Variants in GET4 observed in about 807,000 individuals in gnomAD.
GET4 encodes the protein guided entry of tail-anchored proteins factor 4.
GET4 carries 20 observed loss-of-function variants against 40.0 expected under a neutral mutation model. That is an observed-to-expected ratio of 0.50 (90% CI 0.35 to 0.73). The LOEUF (loss-of-function observed/expected upper bound fraction) is 0.73, where lower values mean the gene tolerates loss of function less well. Ranked by LOEUF, GET4 falls within the 30% of genes least tolerant of loss-of-function variation. The pLI is 0.01. For missense variants in GET4, 557 were observed against 454.0 expected (o/e 1.23, Z -2.06); for synonymous variants, 280 against 194.6 (o/e 1.44, Z -3.65).
Position 886,605 on chromosome 7 carries a change from G to A in GET4, c.271G>A (p.Glu91Lys), listed in dbSNP as rs1844193093. ...AGCAGACTTGTCCATGCTGGTCCTG[G>A]AGTCCCTGGAGAAGGCGGAAGTGGA... ...SAADLSMLVL[E>K]SLEKAEVEVA... Residue 91 changes from glutamate (E) to lysine (K), a missense_variant, in exon 3 of 9, where the codon GAG becomes AAG. Coordinates refer to ENST00000265857, the MANE Select transcript of GET4 (RefSeq NM_015949.3). 6.2e-7 allele frequency: 1 copy of A among 1,613,138 alleles called. No individual in the cohort carries two copies. Among genetic ancestry groups the A allele is most frequent in the Admixed American group, 1.7e-5 (1 of 60,002 alleles).
At chr7:884,308 GAGTC>G (rs1554267442) in intron 1 of GET4, 2 of 1,304,030 alleles carry the variant, frequency 1.5e-6, no homozygotes, top group Non-Finnish European at 2.0e-6. Context: ...GGCCTCCTCT[GAGTC>G]AGTCATGTCC....
Position 883,899 on chromosome 7 carries a change from G to A in GET4, c.156-2157G>A, listed in dbSNP as rs925324006. 40 of 1,030,546 alleles carry A rather than the reference G, an allele frequency of 3.9e-5. No homozygotes were observed. In the South Asian group the frequency reaches 8.3e-4, roughly 21 times the overall value. The allele number at this position is 1,030,546 out of a possible 1,614,324, so 63.8% of individuals were successfully genotyped here. A position where few individuals can be genotyped will look rare whatever the true frequency, so the allele number is the denominator to read the frequency against. On this transcript the variant is annotated intron_variant, in intron 1 of 8. Coordinates refer to ENST00000265857, the MANE Select transcript of GET4 (RefSeq NM_015949.3). ...GGAAACGGGTGCCCCCAGCCAGGCC[G>A]GGGACCACTGTGTGCCCAGAATTCT...
Position 895,994 on chromosome 7 carries a change from G to C in GET4, c.*572G>C, listed in dbSNP as rs577617657. On this transcript the variant is annotated 3_prime_UTR_variant, in exon 9 of 9. Coordinates refer to ENST00000265857, the MANE Select transcript of GET4 (RefSeq NM_015949.3). The stretch of plus-strand genomic sequence containing the variant: ...TCACGCTCGGTGGAGGGACGCGTGC[G>C]GCGGGACGGTGCCTACGGGTACTTG... 6.6e-6 allele frequency: 1 copy of C among 152,240 alleles called. No homozygotes were observed. The highest frequency in any genetic ancestry group is 2.4e-5 in the African/African-American group (1 of 41,452). The allele number at this position is 152,240 out of a possible 1,614,324, so 9.4% of individuals were successfully genotyped here.
At chr7:893,526 GGTGTAGGCGTGGTGGTGTGT>G (rs1185638146) in intron 6 of GET4, among the ~76,000 whole-genome samples, 194 bp from the exon 7 acceptor site, 2 of 142,112 alleles carry the variant, frequency 1.4e-5, no homozygotes, top group African/African-American at 5.2e-5. Context: ...GTGAGTGTTG[GGTGTAGGCGTGGTGGTGTGT>G]GCAGGTGAGT....
At chr7:876,882 C>T (rs1843962281) in intron 1 of GET4, 82 bp downstream of exon 1, 2 of 770,810 alleles carry the variant, frequency 2.6e-6, no homozygotes, top group South Asian at 5.8e-5. Context: ...CCCGCGCCCC[C>T]ATTGGGCCGC....
Position 886,472 on chromosome 7 carries a change from C to T in GET4, c.235-97C>T, listed in dbSNP as rs112602568. ...TCAGAAGAGACTCCTCAGCACCGGC[C>T]GCACTCTGGCTTCTGCTGGAAACCC... On this transcript the variant is annotated intron_variant, in intron 2 of 8. Coordinates refer to ENST00000265857, the MANE Select transcript of GET4 (RefSeq NM_015949.3). 1.3e-3 allele frequency: 1,130 copies of T among 853,478 alleles called. 5 individuals carry two copies. The highest frequency in any genetic ancestry group is 0.013 in the African/African-American group (758 of 60,334). 52.9% of individuals were successfully genotyped at this position (853,478 alleles called of 1,614,324 possible).
chr7:890,894 AATGTAT>A (rs1844307101), intron 4 of GET4, 28 bp from the exon 5 acceptor site: 5 of 1,522,722 alleles, frequency 3.3e-6, no homozygotes, highest in Non-Finnish European at 4.6e-6. Flanking sequence ...ATATTCGTGA[AATGTAT>A]TTACATTTTT....
At chr7:878,070 C>T (rs1430734396) in intron 1 of GET4, 2 of 328,016 alleles carry the variant, frequency 6.1e-6, no homozygotes, top group South Asian at 2.3e-5. Context: ...GGTGAAACCG[C>T]TTCTCTGTTG....
At chr7:883,358 TC>T (rs1178739955) in intron 1 of GET4, 36 of 224,160 alleles carry the variant, frequency 1.6e-4, no homozygotes, top group Non-Finnish European at 2.5e-4. Flanking sequence ...CAAGCCAGCT[TC>T]CGTCTGCCAA....
intron 1 of GET4, among the ~76,000 whole-genome samples, chr7:877,472 C>T (rs567472333): frequency 8.6e-4 from 78 of 90,960 alleles, no homozygotes; most frequent in African/African-American, 3.3e-3. Context: ...CTGCCCCCCG[C>T]CTCTCTCCCT....
At chr7:894,024 T>A (rs182092708) in intron 8 of GET4, 53 bp downstream of exon 8, 7 of 1,229,908 alleles carry the variant, frequency 5.7e-6, no homozygotes, top group Non-Finnish European at 6.8e-6. Flanking sequence ...CGGTGTGGGG[T>A]CATCATCTCT....
In GET4 at chr7:895,339, C is replaced by T. The variant is rs777160864; in HGVS notation, c.901C>T (p.Leu301Phe). 6.4e-7 allele frequency: 1 copy of T among 1,558,514 alleles called. No homozygotes were observed. The highest frequency in any genetic ancestry group is 1.7e-5 in the Admixed American group (1 of 58,686). The change falls in exon 9 of 9, where the codon CTT (leucine) becomes TTT (phenylalanine). Residue 301 changes from leucine to phenylalanine, a missense_variant. Physicochemically the swap from Leu to Phe is conservative, Grantham distance 22. Coordinates refer to ENST00000265857, the MANE Select transcript of GET4 (RefSeq NM_015949.3). Reference sequence around the variant, plus strand: ...CACGGTGTTCTTCTTTCCAGGGAACCTTCTGACCAGCCTCATGGGCTCCTC... The same window carrying T: ...CACGGTGTTCTTCTTTCCAGGGAACTTTCTGACCAGCCTCATGGGCTCCTC... ...TSSYGGLLGN[L>F]LTSLMGSSEQ...
At chr7:881,244 T>C (rs2128626756) in intron 1 of GET4, 1 of 152,344 alleles carries the variant, frequency 6.6e-6, no homozygotes, top group Non-Finnish European at 1.5e-5. Flanking sequence ...ATGTATAATT[T>C]GGTGAGGTCT....
At chr7:890,283 C>T (rs113980851) in intron 4 of GET4, among the ~76,000 whole-genome samples, 2 of 17,148 alleles carry the variant, frequency 1.2e-4, no homozygotes, top group East Asian at 2.1e-3. Flanking sequence ...GGAGCGTGAG[C>T]GGGTGTCAGG....
Position 895,478 on chromosome 7 carries a change from G to A in GET4, c.*56G>A. On this transcript the variant is annotated 3_prime_UTR_variant, in exon 9 of 9. Transcript: ENST00000265857. Reference sequence around the variant, plus strand: ...CGACGACGGCTGGAGGGACGTTTCAGAGGCGAGTCCTGGGTGGCTCCTCGC... The same window carrying A: ...CGACGACGGCTGGAGGGACGTTTCAAAGGCGAGTCCTGGGTGGCTCCTCGC... 1.1e-6 allele frequency: 1 copy of A among 931,224 alleles called. No individual in the cohort carries two copies. Among genetic ancestry groups the A allele is most frequent in the Non-Finnish European group, 1.7e-6 (1 of 577,962 alleles). 57.7% of individuals were successfully genotyped at this position (931,224 alleles called of 1,614,324 possible). A position where few individuals can be genotyped will look rare whatever the true frequency, so the allele number is the denominator to read the frequency against.
At chr7:884,048 C>T in intron 1 of GET4, 1 of 1,171,036 alleles carries the variant, frequency 8.5e-7, no homozygotes, top group Non-Finnish European at 1.1e-6. Context: ...AGAGCAGGCT[C>T]CTCGTGCAGG....
At chr7:893,113 A>AAGTGTTGGGTGTAGGCGTGTGTGCAGGTG (rs1844370800) in intron 6 of GET4, among the ~76,000 whole-genome samples, 2 of 69,834 alleles carry the variant, frequency 2.9e-5, no homozygotes, top group Non-Finnish European at 5.5e-5. Context: ...GTGTGCAGGC[A>AAGTGTTGGGTGTAGGCGTGTGTGCAGGTG]AGTGTTGGGT....
chr7:890,809 C>T, intron 4 of GET4, 119 bp from the exon 5 acceptor site: 2 of 784,508 alleles, frequency 2.5e-6, no homozygotes, highest in Non-Finnish European at 4.4e-6. Flanking sequence ...TGGGCTCTGG[C>T]TGGGCTCTCC....
intron 1 of GET4, among the ~76,000 whole-genome samples, chr7:877,312 G>A (rs1373317245): frequency 1.8e-5 from 1 of 55,316 alleles, no homozygotes; most frequent in Admixed American, 2.2e-4. Context: ...CCCCCGCCTC[G>A]CTCTCCCTGG....
Sources: allele counts gnomAD v4.1 joint callset (sites outside exome capture counted in the v4.1 genomes callset), GRCh38; gene constraint gnomAD v4.1.1; transcripts MANE v1.5; gene names NCBI Gene and HGNC (gene_info 2026-07-23, HGNC 2026-07-21).